The following EFHD1 variants were observed in gnomAD, a reference collection of about 807,000 sequenced individuals.
EFHD1 encodes EF-hand domain-containing protein D1.
A neutral mutation model predicts 17.2 loss-of-function variants in EFHD1; 10 were observed. The observed-to-expected ratio is 0.58, with a 90% CI of 0.36 to 0.99. The LOEUF (loss-of-function observed/expected upper bound fraction) is 0.99, where lower values mean the gene tolerates loss of function less well. Among genes scored for constraint, EFHD1 ranks in the 50% least tolerant of loss-of-function variants. The probability of loss-of-function intolerance (pLI) is 0.01; values close to 1 mark genes in which losing one functional copy is unlikely to be tolerated. For synonymous variants in EFHD1, 153 were observed against 142.0 expected (o/e 1.08, Z -0.55); for missense variants, 310 against 327.5 (o/e 0.95, Z 0.41).
At chr2:232,658,275 A>G (rs1694798520) in intron 1 of EFHD1, among the ~76,000 whole-genome samples, 2 of 152,158 alleles carry the variant, frequency 1.3e-5, no homozygotes, top group Admixed American at 1.3e-4. Flanking sequence ...TTTTGGGCCT[A>G]GATTCTGCCC....
chr2:232,609,925 T>C (rs558563463), intron 1 of EFHD1, among the ~76,000 whole-genome samples: 13 of 152,332 alleles, frequency 8.5e-5, no homozygotes, highest in African/African-American at 2.9e-4. Context: ...AAGCACCGTT[T>C]GCCTTTGATA....
chr2:232,663,089 A>AG (rs1694905806), intron 2 of EFHD1, 140 bp downstream of exon 2: 1 of 1,034,466 alleles, frequency 9.7e-7, no homozygotes. Context: ...GCTTTCAAAA[A>AG]TACCTTTTAG....
At chr2:232,664,676 T>C (rs978408479) in intron 2 of EFHD1, among the ~76,000 whole-genome samples, 15 of 139,718 alleles carry the variant, frequency 1.1e-4, no homozygotes, top group Non-Finnish European at 2.1e-4. Flanking sequence ...TGCAGTGGTG[T>C]GATCTCGGCT....
chr2:232,669,744 G>A (rs976618205), intron 2 of EFHD1, among the ~76,000 whole-genome samples: 3 of 151,992 alleles, frequency 2.0e-5, no homozygotes, highest in Non-Finnish European at 4.4e-5. Context: ...GGGATTATAG[G>A]CAGGCACCAC....
At chr2:232,662,372 G>A (rs1203321908) in intron 1 of EFHD1, among the ~76,000 whole-genome samples, 1 of 152,116 alleles carries the variant, frequency 6.6e-6, no homozygotes, top group Non-Finnish European at 1.5e-5. Flanking sequence ...GAGAACCAGG[G>A]GCAGTGACCA....
chr2:232,653,324 T>A (rs942856343), intron 1 of EFHD1, among the ~76,000 whole-genome samples: 2 of 151,640 alleles, frequency 1.3e-5, no homozygotes, highest in African/African-American at 2.4e-5. Context: ...GGAGTCTCAC[T>A]CTGTCGCCCA....
chr2:232,614,367 C>T (rs574756315), intron 1 of EFHD1, among the ~76,000 whole-genome samples: 19 of 152,250 alleles, frequency 1.2e-4, no homozygotes, highest in South Asian at 4.1e-4. Flanking sequence ...TCTGAGACAG[C>T]GAGACCAACC....
At chr2:232,661,295 T>C (rs1694863472) in intron 1 of EFHD1, among the ~76,000 whole-genome samples, 1 of 152,146 alleles carries the variant, frequency 6.6e-6, no homozygotes, top group South Asian at 2.1e-4. Flanking sequence ...TCTCTATCCA[T>C]TGAACACTAA....
chr2:232,667,549 A>G (rs1347523916), intron 2 of EFHD1, among the ~76,000 whole-genome samples: 2 of 150,552 alleles, frequency 1.3e-5, no homozygotes, highest in Admixed American at 6.6e-5. Context: ...TAATTTATTT[A>G]TTTATTTATT....
At chr2:232,615,566 G>A (rs1320839987) in intron 1 of EFHD1, among the ~76,000 whole-genome samples, 2 of 152,088 alleles carry the variant, frequency 1.3e-5, no homozygotes, top group Non-Finnish European at 2.9e-5. Context: ...AAGAGATCAC[G>A]GGCCTGCATG....
chr2:232,620,077 ATT>A (rs549015358), intron 1 of EFHD1, among the ~76,000 whole-genome samples: 4 of 141,722 alleles, frequency 2.8e-5, no homozygotes, highest in African/African-American at 2.6e-5. Flanking sequence ...TAATGATGTC[ATT>A]TTTTTTTTTT....
chr2:232,657,467 G>C (rs6705572), intron 1 of EFHD1, among the ~76,000 whole-genome samples: 41,757 of 152,000 alleles, frequency 0.27, 6,900 homozygotes, highest in Middle Eastern at 0.4. Context: ...TTGTCAATGG[G>C]CATTTGAGTT....
intron 2 of EFHD1, among the ~76,000 whole-genome samples, chr2:232,665,473 G>C (rs1473576279): frequency 2.6e-5 from 4 of 151,956 alleles, no homozygotes; most frequent in Non-Finnish European, 4.4e-5. Flanking sequence ...CCAGACTGGA[G>C]TACAGTGGTG....
chr2:232,644,535 CAG>C (rs1486249529), intron 1 of EFHD1, among the ~76,000 whole-genome samples: 13 of 151,026 alleles, frequency 8.6e-5, no homozygotes, highest in Admixed American at 7.9e-4. Flanking sequence ...ATTTTTGAGA[CAG>C]AGTCTCACTC....
intron 2 of EFHD1, among the ~76,000 whole-genome samples, chr2:232,667,353 T>G (rs1694985751): frequency 6.6e-6 from 1 of 152,086 alleles, no homozygotes; most frequent in Non-Finnish European, 1.5e-5. Flanking sequence ...TGCAGATGGC[T>G]GTTCTTGGAA....
At chr2:232,612,953 G>A (rs1048422710) in intron 1 of EFHD1, among the ~76,000 whole-genome samples, 4 of 151,748 alleles carry the variant, frequency 2.6e-5, no homozygotes, top group South Asian at 2.1e-4. Flanking sequence ...AGCTGGTCTC[G>A]AACTCGTGAC....
At chr2:232,612,180 G>T (rs771466225) in intron 1 of EFHD1, among the ~76,000 whole-genome samples, 2 of 152,098 alleles carry the variant, frequency 1.3e-5, no homozygotes, top group Non-Finnish European at 2.9e-5. Context: ...TTGCAACTTT[G>T]CTTTAGCCTA....
At chr2:232,636,081 G>A (rs920020236) in intron 1 of EFHD1, among the ~76,000 whole-genome samples, 2 of 152,174 alleles carry the variant, frequency 1.3e-5, no homozygotes, top group Non-Finnish European at 2.9e-5. Flanking sequence ...TCCTCTCTGC[G>A]TTGTCCCCGT....
intron 1 of EFHD1, among the ~76,000 whole-genome samples, chr2:232,627,055 TATATA>T (rs1201347860): frequency 2.8e-4 from 32 of 115,642 alleles, no homozygotes; most frequent in African/African-American, 9.6e-4. Context: ...TATATATATA[TATATA>T]TATATTTTTT....
Sources: gnomAD v4.1 joint callset for allele counts (sites outside exome capture counted in the v4.1 genomes callset) on GRCh38, gnomAD v4.1.1 for gene constraint, MANE v1.5 for transcripts, NCBI Gene and HGNC (gene_info 2026-07-23, HGNC 2026-07-21) for gene names.